Variants in JAKMIP2 observed in about 807,000 individuals in gnomAD.
JAKMIP2 encodes janus kinase and microtubule-interacting protein 2.
Under a neutral mutation model 115.0 loss-of-function variants are expected in JAKMIP2, and 25 were observed. The ratio of observed to expected loss-of-function variants is 0.22; its 90% CI spans 0.16 to 0.30. JAKMIP2 has a LOEUF of 0.30. Ranked by LOEUF, JAKMIP2 falls within the 10% of genes least tolerant of loss-of-function variation. The pLI is 1.00. For synonymous variants in JAKMIP2, 334 were observed against 343.6 expected (o/e 0.97, Z 0.31); for missense variants, 642 against 957.6 (o/e 0.67, Z 4.35).
At chr5:147,763,845 T>C (rs1755018447) in intron 1 of JAKMIP2, among the ~76,000 whole-genome samples, 1 of 152,160 alleles carries the variant, frequency 6.6e-6, no homozygotes, top group Non-Finnish European at 1.5e-5. Flanking sequence ...GAGTTGGTTA[T>C]ATTTGATGTT....
At chr5:147,762,031 G>T (rs1754945614) in intron 1 of JAKMIP2, among the ~76,000 whole-genome samples, 1 of 151,872 alleles carries the variant, frequency 6.6e-6, no homozygotes, top group Admixed American at 6.6e-5. Flanking sequence ...GAAAAAATAG[G>T]CTTCACAGAC....
chr5:147,683,321 AT>A (rs1305258000), intron 1 of JAKMIP2, among the ~76,000 whole-genome samples: 1 of 152,134 alleles, frequency 6.6e-6, no homozygotes, highest in African/African-American at 2.4e-5. Context: ...GTGAAACCCC[AT>A]CTGTACTAAA....
At chr5:147,619,109 T>A (rs897561611) in intron 18 of JAKMIP2, among the ~76,000 whole-genome samples, 2 of 152,154 alleles carry the variant, frequency 1.3e-5, no homozygotes, top group Admixed American at 6.5e-5. Flanking sequence ...ATGCTTCAGA[T>A]AACAGTTGCT....
intron 1 of JAKMIP2, among the ~76,000 whole-genome samples, chr5:147,678,991 A>G (rs1006265184): frequency 5.1e-5 from 6 of 117,248 alleles, no homozygotes; most frequent in African/African-American, 2.0e-4. Context: ...TTATTTATTT[A>G]TTTATTTAGT....
intron 21 of JAKMIP2, among the ~76,000 whole-genome samples, chr5:147,601,513 C>T (rs566933980): frequency 8.0e-4 from 122 of 152,166 alleles, no homozygotes; most frequent in African/African-American, 1.6e-3. Flanking sequence ...GTTGGAGGAT[C>T]GCTTTGAGCC....
intron 13 of JAKMIP2, 79 bp from the exon 14 acceptor site, chr5:147,631,590 C>T (rs551198083): frequency 9.2e-4 from 788 of 858,406 alleles, no homozygotes; most frequent in Non-Finnish European, 1.2e-3. Context: ...TCTCTTTATG[C>T]TATTTCAGCA....
intron 15 of JAKMIP2, among the ~76,000 whole-genome samples, 177 bp from the exon 16 acceptor site, chr5:147,628,993 T>A (rs898491712): frequency 6.6e-6 from 1 of 152,160 alleles, no homozygotes; most frequent in African/African-American, 2.4e-5. Context: ...CCGGAAGAAG[T>A]ATATTAAACG....
At chr5:147,770,797 TA>T (rs142003220) in intron 1 of JAKMIP2, among the ~76,000 whole-genome samples, 2,645 of 152,224 alleles carry the variant, frequency 0.017, 94 homozygotes, top group African/African-American at 0.061. Context: ...GAAGGAAAAC[TA>T]GATAATTTTC....
At chr5:147,680,222 T>C (rs1221668019) in intron 1 of JAKMIP2, among the ~76,000 whole-genome samples, 1 of 152,186 alleles carries the variant, frequency 6.6e-6, no homozygotes, top group African/African-American at 2.4e-5. Flanking sequence ...ATCTTAAATT[T>C]AGAGGGAATA....
intron 20 of JAKMIP2, among the ~76,000 whole-genome samples, chr5:147,604,088 G>C (rs1052891219): frequency 2.0e-5 from 3 of 152,128 alleles, no homozygotes; most frequent in African/African-American, 7.2e-5. Flanking sequence ...GTGGAAAATG[G>C]AAGATATTAA....
At chr5:147,672,248 A>G (rs1759645487) in intron 1 of JAKMIP2, among the ~76,000 whole-genome samples, 2 of 152,074 alleles carry the variant, frequency 1.3e-5, no homozygotes, top group Non-Finnish European at 2.9e-5. Flanking sequence ...TTCTATCCTC[A>G]TCTCCTCCAT....
At chr5:147,659,283 AAGG>A (rs1758838414) in intron 3 of JAKMIP2, among the ~76,000 whole-genome samples, 1 of 152,072 alleles carries the variant, frequency 6.6e-6, no homozygotes, top group Non-Finnish European at 1.5e-5. Flanking sequence ...TTGCTGGAGG[AAGG>A]AGGTCACCTG....
At chr5:147,614,839 C>T (rs1275108928) in intron 19 of JAKMIP2, among the ~76,000 whole-genome samples, 1 of 152,212 alleles carries the variant, frequency 6.6e-6, no homozygotes, top group African/African-American at 2.4e-5. Flanking sequence ...TGTTCCTTGA[C>T]TATTCCAAAC....
chr5:147,629,813 A>T, intron 14 of JAKMIP2, 67 bp from the exon 15 acceptor site: 2 of 1,263,652 alleles, frequency 1.6e-6, no homozygotes, highest in Non-Finnish European at 2.3e-6. Flanking sequence ...GTGCCTGAAC[A>T]TGAAGTTAGA....
At chr5:147,636,118 C>G in intron 12 of JAKMIP2, 104 bp downstream of exon 12, 1 of 860,024 alleles carries the variant, frequency 1.2e-6, no homozygotes. Context: ...GGAAAAGCCT[C>G]CCCTTCCCCT....
intron 1 of JAKMIP2, among the ~76,000 whole-genome samples, chr5:147,730,967 G>T (rs4235733): frequency 0.18 from 26,923 of 151,914 alleles, 2,707 homozygotes; most frequent in Admixed American, 0.26. Context: ...TTATCATGAT[G>T]GTCCTGAATA....
chr5:147,650,647 G>GA (rs959527156), intron 3 of JAKMIP2, 100 bp from the exon 4 acceptor site: 49 of 881,616 alleles, frequency 5.6e-5, no homozygotes, highest in Middle Eastern at 3.5e-4. Flanking sequence ...GATTGATACA[G>GA]AAAAAAAATC....
intron 1 of JAKMIP2, among the ~76,000 whole-genome samples, chr5:147,735,135 A>T (rs910668081): frequency 6.6e-5 from 10 of 152,106 alleles, no homozygotes; most frequent in Non-Finnish European, 1.2e-4. Context: ...CTCCTGCCAG[A>T]CTTCAGTTTG....
chr5:147,730,549 G>A (rs1352135341), intron 1 of JAKMIP2, among the ~76,000 whole-genome samples: 5 of 151,942 alleles, frequency 3.3e-5, no homozygotes, highest in African/African-American at 9.7e-5. Context: ...TCCACCTCCC[G>A]GGTTCAAGTG....
Sources: gnomAD v4.1 joint callset for allele counts (sites outside exome capture counted in the v4.1 genomes callset) on GRCh38, gnomAD v4.1.1 for gene constraint, MANE v1.5 for transcripts, NCBI Gene and HGNC (gene_info 2026-07-23, HGNC 2026-07-21) for gene names.